DNHD1: variants seen among roughly 807,000 people sequenced by gnomAD.
DNHD1 encodes dynein heavy chain domain 1.
A neutral mutation model predicts 458.1 loss-of-function variants in DNHD1; 383 were observed. That is an observed-to-expected ratio of 0.84 (90% CI 0.77 to 0.91). The LOEUF is 0.91. DNHD1 is among the 40% of genes least tolerant of loss of function. The probability of loss-of-function intolerance (pLI) is 0.00; values close to 1 mark genes in which losing one functional copy is unlikely to be tolerated. For synonymous variants in DNHD1, 2,203 were observed against 2,376.9 expected (o/e 0.93, Z 2.13); for missense variants, 5,336 against 5,866.1 (o/e 0.91, Z 2.95).
Position 6,553,240 on chromosome 11 carries a change from G to T in DNHD1, c.7388-3443G>T, listed in dbSNP as rs1479759429. On this transcript the variant is annotated intron_variant, in intron 24 of 42. Transcript: ENST00000254579. ...TCAATCAGTGTAGCTCACATTAACAGAATAAAGGAGCAAATGAGTAAGTAA... is the reference window on the plus strand; with the variant it reads ...TCAATCAGTGTAGCTCACATTAACATAATAAAGGAGCAAATGAGTAAGTAA... Among the ~76,000 whole-genome samples, 2 of 152,166 alleles carry T rather than the reference G, an allele frequency of 1.3e-5. 1 individual carries two copies. Among genetic ancestry groups the T allele is most frequent in the Non-Finnish European group, 2.9e-5 (2 of 68,002 alleles).
chr11:6,566,883 GAGTGTATGC>G lies in DNHD1; in HGVS notation c.11386-9_11386-1del, dbSNP rs1310322603. On this transcript the variant is annotated splice_polypyrimidine_tract_variant and splice_region_variant and intron_variant, in intron 35 of 42. Coordinates refer to ENST00000254579, the MANE Select transcript of DNHD1 (RefSeq NM_144666.3). Reference sequence around the variant, plus strand: ...AAAGGGCCAGATCCATCCAACAAATGAGTGTATGCAGGAGCGGCTGCTGACGATGCTGCT... The same window carrying G: ...AAAGGGCCAGATCCATCCAACAAATGAGGAGCGGCTGCTGACGATGCTGCT... The G allele has an allele frequency of 1.9e-6, 3 of 1,608,992 alleles. No homozygotes were observed. The highest frequency in any genetic ancestry group is 1.7e-5 in the Admixed American group (1 of 59,682).
At chr11:6,534,202 T>C in intron 14 of DNHD1, 29 bp downstream of exon 14, 1 of 1,545,492 alleles carries the variant, frequency 6.5e-7, no homozygotes, top group African/African-American at 1.4e-5. Context: ...CCCTCCATTA[T>C]CACTCTGTGA....
At position 6,570,790 on chromosome 11, in the gene DNHD1, T is replaced by C; in HGVS notation, c.13278T>C (p.Pro4426=). The change falls in exon 42 of 43, where the codon CCT becomes CCC. Residue 4426 remains proline (P), a synonymous_variant. Transcript: ENST00000254579. ...AGCGGAGTTCACCCGTGTGGGTTCC[T>C]GAGTCTCGAAGAGGCGCCCAGCTTG... ...ALQRSSPVWV[P]ESRRGAQLAE... is the part of the protein sequence containing the mutation. The C allele has an allele frequency of 6.2e-7, 1 of 1,613,498 alleles. No homozygotes were observed. The highest frequency in any genetic ancestry group is 8.5e-7 in the Non-Finnish European group (1 of 1,179,666).
At chr11:6,564,308 C>A in intron 31 of DNHD1, 25 bp from the exon 32 acceptor site, 1 of 1,513,710 alleles carries the variant, frequency 6.6e-7, no homozygotes, top group Non-Finnish European at 8.9e-7. Context: ...GCCTACACAG[C>A]CTCTGGTCTT....
rs1219613973 is a variant in DNHD1 at position 6,498,233 on chromosome 11, G to A, written c.18G>A (p.Arg6=). MVPEE[R]RVGLSSDETS... is the part of the protein sequence containing the mutation. ...AGCTCCTCATGGTCCCGGAGGAGAG[G>A]AGGGTAGGTTTGTCTTCTGATGAGA... Residue 6 remains arginine (R), a synonymous_variant, in exon 3 of 43, where the codon AGG becomes AGA. Coordinates refer to ENST00000254579, the MANE Select transcript of DNHD1 (RefSeq NM_144666.3). 6.2e-7 allele frequency: 1 copy of A among 1,612,862 alleles called. No individual in the cohort carries two copies. Among genetic ancestry groups the A allele is most frequent in the Non-Finnish European group, 8.5e-7 (1 of 1,178,974 alleles).
Position 6,545,217 on chromosome 11 carries a change from G to C in DNHD1, c.4278G>C (p.Gly1426=), listed in dbSNP as rs1252047196. 2 of 1,551,774 alleles carry C rather than the reference G, an allele frequency of 1.3e-6. No individual in the cohort carries two copies. The highest frequency in any genetic ancestry group is 1.7e-6 in the Non-Finnish European group (2 of 1,147,046). The change falls in exon 21 of 43, where the codon GGG becomes GGC. Residue 1426 remains glycine, a synonymous_variant. Coordinates refer to ENST00000254579, the MANE Select transcript of DNHD1 (RefSeq NM_144666.3). This position sits in a 1 kb window ranked among gnomAD's most constrained non-coding sequence, Gnocchi z 4.9. The part of the protein sequence containing the change: ...QTQVEALAVL[G]AGGEEVKLQG... ...AGGTGGAGGCACTTGCAGTGCTAGG[G>C]GCAGGTGGGGAGGAGGTGAAGCTGC...
intron 28 of DNHD1, among the ~76,000 whole-genome samples, chr11:6,562,298 A>G (rs1288184983): frequency 6.6e-6 from 1 of 152,170 alleles, no homozygotes; most frequent in African/African-American, 2.4e-5. Flanking sequence ...AGATTGCAGG[A>G]GAGCTGAGGA....
In DNHD1 at chr11:6,557,383, T is replaced by C. The variant is rs1288560253; in HGVS notation, c.8088T>C (p.Ser2696=). Residue 2696 remains serine, a synonymous_variant, in exon 25 of 43, where the codon AGT becomes AGC. Coordinates refer to ENST00000254579, the MANE Select transcript of DNHD1 (RefSeq NM_144666.3). The part of the protein sequence containing the change: ...PQHLGKDHQE[S]EEEEEEERVP... ...ACCTGGGCAAGGACCATCAGGAGAG[T>C]GAGGAGGAGGAGGAGGAGGAGAGGG... 5 of 1,543,524 alleles carry C rather than the reference T, an allele frequency of 3.2e-6. No individual in the cohort carries two copies. Among genetic ancestry groups the C allele is most frequent in the Non-Finnish European group, 4.4e-6 (5 of 1,143,106 alleles).
rs914980199 is a variant in DNHD1, at chr11:6,563,584, A to G, written c.9852+20A>G. ...TATCAGGTAGGAAGGGTGGAGCACA[A>G]TGAAGGAGGATAGGGGAGGCATAAA... On this transcript the variant is annotated intron_variant, in intron 30 of 42. Transcript: ENST00000254579. The G allele has an allele frequency of 6.4e-7, 1 of 1,550,572 alleles. No homozygotes were observed. Among genetic ancestry groups the G allele is most frequent in the Admixed American group, 2.0e-5 (1 of 51,004 alleles).
intron 28 of DNHD1, 78 bp downstream of exon 28, chr11:6,559,361 A>G (rs1853537016): frequency 1.7e-6 from 2 of 1,206,272 alleles, no homozygotes; most frequent in Admixed American, 4.6e-5. Context: ...AGCAACCAGA[A>G]TGAACCTTAA....
At position 6,515,807 on chromosome 11, in the gene DNHD1, CA is replaced by C. The variant is rs1331788204; in HGVS notation, c.1393-3792del. ...TTTTTTTTTTTTTTTTTTTTTGAGT[CA>C]GGGACTCACTCTGTCACCCAGGCTG... On this transcript the variant is annotated intron_variant, in intron 7 of 42. Coordinates refer to ENST00000254579, the MANE Select transcript of DNHD1 (RefSeq NM_144666.3). Among the ~76,000 whole-genome samples the C allele has an allele frequency of 3.3e-3, 364 of 110,598 alleles. 2 individuals carry two copies. The highest frequency in any genetic ancestry group is 0.012 in the African/African-American group (350 of 28,128). 72.6% of individuals were successfully genotyped at this position (110,598 alleles called of 152,430 possible).
rs926208723 is a variant in DNHD1 at position 6,528,681 on chromosome 11, G to A, written c.1997G>A (p.Arg666Gln). The A allele has an allele frequency of 1.6e-5, 25 of 1,551,548 alleles. No individual in the cohort carries two copies. The highest frequency in any genetic ancestry group is 8.3e-5 in the South Asian group (7 of 84,064). The stretch of plus-strand genomic sequence containing the variant: ...GGTATCTTGGAGGTCCGTGGATGTC[G>A]GCTGCGGGGCCAATACTTCCCCCAC... ...IAGILEVRGC[R>Q]LRGQYFPHNY... Residue 666 changes from arginine to glutamine, a missense_variant, in exon 11 of 43, where the codon CGG becomes CAG. Coordinates refer to ENST00000254579, the MANE Select transcript of DNHD1 (RefSeq NM_144666.3).
chr11:6,514,589 T>C (rs780701035), intron 7 of DNHD1, among the ~76,000 whole-genome samples: 1 of 148,630 alleles, frequency 6.7e-6, no homozygotes, highest in Non-Finnish European at 1.5e-5. Flanking sequence ...TCCTTCCTTC[T>C]GTGATTTTGT....
At chr11:6,541,614 C>G (rs1853099632) in intron 18 of DNHD1, among the ~76,000 whole-genome samples, 2 of 152,114 alleles carry the variant, frequency 1.3e-5, no homozygotes, top group African/African-American at 4.8e-5. Flanking sequence ...GCAGATGGAA[C>G]TGGAGAGGAT....
At chr11:6,509,503 G>A (rs1166195568) in intron 6 of DNHD1, among the ~76,000 whole-genome samples, 1 of 151,694 alleles carries the variant, frequency 6.6e-6, no homozygotes, top group Middle Eastern at 3.2e-3. Flanking sequence ...TTTTTTCTTT[G>A]AACATATATT....
intron 18 of DNHD1, among the ~76,000 whole-genome samples, chr11:6,540,437 A>G (rs1462063767): frequency 1.3e-5 from 2 of 152,180 alleles, no homozygotes; most frequent in Non-Finnish European, 2.9e-5. Context: ...TTATTCATTA[A>G]TTCATTTCTT....
chr11:6,546,174 C>T lies in DNHD1; in HGVS notation c.5235C>T (p.Pro1745=). ...WLLLEKVHQL[P]PGLLSALGQR... ...TGTTGGAGAAAGTTCATCAGCTGCC[C>T]CCTGGCTTGCTCTCTGCCCTGGGCC... Residue 1745 remains proline (P), a synonymous_variant, in exon 21 of 43, where the codon CCC becomes CCT. Coordinates refer to ENST00000254579, the MANE Select transcript of DNHD1 (RefSeq NM_144666.3). 6.4e-7 allele frequency: 1 copy of T among 1,551,056 alleles called. No individual in the cohort carries two copies. Among genetic ancestry groups the T allele is most frequent in the Non-Finnish European group, 8.7e-7 (1 of 1,146,506 alleles).
In DNHD1 at chr11:6,558,254, C is replaced by T. The variant is rs774992423; in HGVS notation, c.8959C>T (p.Leu2987Phe). Residue 2987 changes from leucine (L) to phenylalanine (F), a missense_variant, in exon 25 of 43, where the codon CTT becomes TTT. By Grantham distance (22) the Leu-to-Phe change is conservative. Around this residue, in one of 4 missense-constraint regions of DNHD1, gnomAD observed 3,932 missense variants for 4,365.6 expected, o/e 0.90. Transcript: ENST00000254579. ...RIGEHLPREN[L>F]GVKQNIKKEM... ...TGGAGAACACCTCCCCAGGGAGAAC[C>T]TTGGTGTCAAACAGAACATCAAGAA... The T allele has an allele frequency of 5.8e-6, 9 of 1,551,674 alleles. No individual in the cohort carries two copies. The highest frequency in any genetic ancestry group is 6.1e-6 in the Non-Finnish European group (7 of 1,146,986).
rs1360369504 is a variant in DNHD1 at position 6,533,978 on chromosome 11, C to T, written c.2803C>T (p.Pro935Ser). 1.3e-6 allele frequency: 2 copies of T among 1,551,360 alleles called. No homozygotes were observed. Among genetic ancestry groups the T allele is most frequent in the South Asian group, 2.4e-5 (2 of 84,036 alleles). The change falls in exon 14 of 43, where the codon CCC (proline) becomes TCC (serine). Residue 935 changes from proline (P) to serine (S), a missense_variant. Physicochemically the swap from Pro to Ser is moderately conservative, Grantham distance 74 (BLOSUM62 -1). Coordinates refer to ENST00000254579, the MANE Select transcript of DNHD1 (RefSeq NM_144666.3). ...FLLSKRHAIMPKLQQLMAAAL... is the reference protein window; with the variant it reads ...FLLSKRHAIMSKLQQLMAAAL... ...GCTCAGCAAGCGACATGCCATTATG[C>T]CCAAGCTGCAGCAGCTGATGGCAGC...
Sources: gnomAD v4.1 joint callset for allele counts (sites outside exome capture counted in the v4.1 genomes callset) on GRCh38, gnomAD v4.1.1 for gene constraint, gnomAD v4.1.1 regional missense constraint, Gnocchi (gnomAD v3.1) non-coding constraint, MANE v1.5 for transcripts, NCBI Gene and HGNC (gene_info 2026-07-23, HGNC 2026-07-21) for gene names.